Variants in USH2A observed in about 807,000 individuals in gnomAD.
USH2A encodes Usher syndrome 2A (autosomal recessive, mild).
USH2A carries 443 observed loss-of-function variants against 538.9 expected under a neutral mutation model. The ratio of observed to expected loss-of-function variants is 0.82; its 90% CI spans 0.76 to 0.89. The LOEUF is 0.89. USH2A is among the 40% of genes least tolerant of loss of function. The pLI, the probability that USH2A is intolerant of heterozygous loss-of-function variation, is 0.00. For synonymous variants in USH2A, 2,413 were observed against 2,273.5 expected (o/e 1.06, Z -1.75); for missense variants, 6,633 against 6,324.8 (o/e 1.05, Z -1.65).
chr1:216,194,327 T>C (rs2034789309), intron 19 of USH2A: 1 of 152,062 alleles, frequency 6.6e-6, no homozygotes, highest in African/African-American at 2.4e-5. Flanking sequence ...GGTAATTCAC[T>C]GGTTTGGTGG....
At chr1:216,338,489 C>G (rs1159538883) in intron 4 of USH2A, among the ~76,000 whole-genome samples, 1 of 151,352 alleles carries the variant, frequency 6.6e-6, no homozygotes, top group East Asian at 1.9e-4. Context: ...CAATATATAT[C>G]ATGATAAAAG....
chr1:215,858,864 A>G (rs1316721879), intron 44 of USH2A, among the ~76,000 whole-genome samples: 1 of 152,150 alleles, frequency 6.6e-6, no homozygotes, highest in Non-Finnish European at 1.5e-5. Flanking sequence ...CTGCCTTAAC[A>G]AAATATTAAA....
chr1:215,741,534 C>T lies in USH2A; in HGVS notation c.11552G>A (p.Ser3851Asn). The change falls in exon 60 of 72, where the codon AGT (serine) becomes AAT (asparagine). Residue 3851 changes from serine to asparagine, a missense_variant. Transcript: ENST00000307340. ...AAACATCCTACTGCTAACTCCACAA[C>T]TTCCTTGAAAAAAAAAAAATTGAGG... ...EIRIQACQNG[S>N]CGVSSRMFVK... 6.2e-7 allele frequency: 1 copy of T among 1,607,602 alleles called. No homozygotes were observed. The highest frequency in any genetic ancestry group is 8.5e-7 in the Non-Finnish European group (1 of 1,178,178).
chr1:215,717,719 T>G (rs1362273458), intron 61 of USH2A, among the ~76,000 whole-genome samples: 4 of 152,198 alleles, frequency 2.6e-5, no homozygotes, highest in Admixed American at 2.6e-4. Context: ...TGAATTAGAT[T>G]TGATGTGTCT....
chr1:215,876,414 G>T (rs184807342), intron 43 of USH2A, among the ~76,000 whole-genome samples: 3 of 152,176 alleles, frequency 2.0e-5, no homozygotes, highest in Admixed American at 6.6e-5. Context: ...CCATTCCCCA[G>T]AGAGAAGAAC....
At chr1:216,135,209 T>G (rs1196163477) in intron 21 of USH2A, among the ~76,000 whole-genome samples, 2 of 148,142 alleles carry the variant, frequency 1.4e-5, no homozygotes, top group African/African-American at 5.1e-5. Flanking sequence ...CACACAATCT[T>G]AAGTGTATAT....
At chr1:216,086,982 C>A in intron 23 of USH2A, 162 bp from the exon 24 acceptor site, 2 of 623,096 alleles carry the variant, frequency 3.2e-6, no homozygotes, top group South Asian at 1.7e-5. Context: ...TCTTCCTCAA[C>A]ATCCCAGCAT....
At chr1:215,762,156 T>C (rs1409385677) in intron 56 of USH2A, among the ~76,000 whole-genome samples, 1 of 152,204 alleles carries the variant, frequency 6.6e-6, no homozygotes, top group Non-Finnish European at 1.5e-5. Context: ...TCACAAATCA[T>C]AGTACACATT....
intron 64 of USH2A, among the ~76,000 whole-genome samples, chr1:215,669,071 A>G (rs1258486352): frequency 6.6e-6 from 1 of 152,078 alleles, no homozygotes; most frequent in African/African-American, 2.4e-5. Context: ...ACAAACAAAA[A>G]CTGGAATGAG....
intron 37 of USH2A, among the ~76,000 whole-genome samples, chr1:215,942,314 A>G (rs1005741097): frequency 1.3e-5 from 2 of 152,078 alleles, no homozygotes; most frequent in Non-Finnish European, 2.9e-5. Flanking sequence ...AAGACAGGTT[A>G]CAATCTTATG....
At chr1:216,004,889 A>G (rs905131389) in intron 32 of USH2A, among the ~76,000 whole-genome samples, 3 of 152,304 alleles carry the variant, frequency 2.0e-5, no homozygotes, top group Non-Finnish European at 1.5e-5. Context: ...GAGGGGATGC[A>G]GACTATGTGG....
chr1:215,714,751 G>C (rs879698489), intron 61 of USH2A, among the ~76,000 whole-genome samples: 3 of 152,158 alleles, frequency 2.0e-5, no homozygotes, highest in Non-Finnish European at 2.9e-5. Flanking sequence ...CATCTTAGAA[G>C]ACCAAAAAGC....
chr1:215,809,270 T>G (rs10864203), intron 49 of USH2A, among the ~76,000 whole-genome samples: 60,573 of 151,994 alleles, frequency 0.4, 13,825 homozygotes, highest in Admixed American at 0.56. Flanking sequence ...CAACAGTTAA[T>G]TAAACACCAC....
rs747426677 is a variant in USH2A, at chr1:216,190,961, G to A, written c.4252-594C>T. On this transcript the variant is annotated intron_variant, in intron 19 of 71. Coordinates refer to ENST00000307340, the MANE Select transcript of USH2A (RefSeq NM_206933.4). ...TATAAAGATTAGATCAAACAGTTACGTTATTTGAAATATTATCTTTATCAT... is the reference window on the plus strand; with the variant it reads ...TATAAAGATTAGATCAAACAGTTACATTATTTGAAATATTATCTTTATCAT... Among the ~76,000 whole-genome samples, 72 of 151,930 alleles carry A rather than the reference G, an allele frequency of 4.7e-4. 1 individual carries two copies. Among genetic ancestry groups the A allele is most frequent in the African/African-American group, 4.8e-4 (20 of 41,378 alleles).
intron 3 of USH2A, among the ~76,000 whole-genome samples, chr1:216,397,612 C>T (rs1241974478): frequency 1.3e-5 from 2 of 152,210 alleles, no homozygotes; most frequent in Admixed American, 1.3e-4. Context: ...GTGCAGAATG[C>T]CCTTTCTTCC....
chr1:216,130,269 T>A (rs1176059012), intron 21 of USH2A, among the ~76,000 whole-genome samples: 2 of 151,866 alleles, frequency 1.3e-5, no homozygotes, highest in Non-Finnish European at 2.9e-5. Context: ...CCAAGCAGTA[T>A]AAACTGTACC....
At chr1:216,125,914 T>C (rs990913374) in intron 21 of USH2A, among the ~76,000 whole-genome samples, 2 of 152,216 alleles carry the variant, frequency 1.3e-5, no homozygotes, top group Admixed American at 1.3e-4. Flanking sequence ...AAGAACGCCG[T>C]AGGTCTTTTA....
intron 20 of USH2A, among the ~76,000 whole-genome samples, chr1:216,178,162 A>G (rs945469258): frequency 6.6e-6 from 1 of 152,318 alleles, no homozygotes; most frequent in Non-Finnish European, 1.5e-5. Context: ...TTTAACTTTT[A>G]GTAAAAAAGA....
At chr1:216,336,264 A>G (rs1484932141) in intron 4 of USH2A, among the ~76,000 whole-genome samples, 1 of 151,418 alleles carries the variant, frequency 6.6e-6, no homozygotes, top group African/African-American at 2.4e-5. Context: ...TCCTCATCTA[A>G]TAAAGGGTAT....
Sources: gnomAD v4.1 joint callset for allele counts (sites outside exome capture counted in the v4.1 genomes callset) on GRCh38, gnomAD v4.1.1 for gene constraint, MANE v1.5 for transcripts, NCBI Gene and HGNC (gene_info 2026-07-23, HGNC 2026-07-21) for gene names.